CSMD1: variants seen among roughly 807,000 people sequenced by gnomAD.
CSMD1 encodes the protein CUB and Sushi multiple domains 1.
In CSMD1, 213 loss-of-function variants were observed where a neutral mutation model predicts 417.5. The ratio of observed to expected loss-of-function variants is 0.51; its 90% confidence interval spans 0.46 to 0.57. The LOEUF (loss-of-function observed/expected upper bound fraction) is 0.57. CSMD1 is among the 20% of genes least tolerant of loss of function. The pLI, the probability that CSMD1 is intolerant of heterozygous loss-of-function variation, is 0.00. For missense variants in CSMD1, 6,923 were observed against 4,529.7 expected (o/e 1.53, Z -15.17); for synonymous variants, 2,862 against 1,736.8 (o/e 1.65, Z -16.11).
At chr8:3,673,899 C>T (rs1195110945) in intron 7 of CSMD1, among the ~76,000 whole-genome samples, 1 of 152,092 alleles carries the variant, frequency 6.6e-6, no homozygotes, top group South Asian at 2.1e-4. Flanking sequence ...AGGCAGAATG[C>T]TTGAGCTCAG....
chr8:3,010,537 C>T (rs1187237775), intron 52 of CSMD1, among the ~76,000 whole-genome samples: 1 of 152,104 alleles, frequency 6.6e-6, no homozygotes, highest in Non-Finnish European at 1.5e-5. Context: ...CCTTGGGCCG[C>T]ACTCCGCATC....
intron 4 of CSMD1, among the ~76,000 whole-genome samples, chr8:4,014,600 G>A (rs994202748): frequency 1.3e-5 from 2 of 152,280 alleles, no homozygotes; most frequent in Middle Eastern, 3.4e-3. Flanking sequence ...ACTCCTGTGA[G>A]ATTAAAAGTA....
chr8:3,793,825 G>C (rs1195864197), intron 5 of CSMD1, among the ~76,000 whole-genome samples: 1 of 152,040 alleles, frequency 6.6e-6, no homozygotes, highest in Non-Finnish European at 1.5e-5. Context: ...TAAATGTCAG[G>C]ATCTGCATAC....
At chr8:3,077,530 G>A (rs1437621384) in intron 49 of CSMD1, among the ~76,000 whole-genome samples, 1 of 152,220 alleles carries the variant, frequency 6.6e-6, no homozygotes, top group Non-Finnish European at 1.5e-5. Context: ...CATCCTGGCT[G>A]GCAGGTCCAG....
At chr8:4,100,617 C>G (rs768307606) in intron 3 of CSMD1, among the ~76,000 whole-genome samples, 1 of 152,034 alleles carries the variant, frequency 6.6e-6, no homozygotes. Context: ...CAGTTTCCAC[C>G]GTGATAATGG....
intron 2 of CSMD1, among the ~76,000 whole-genome samples, chr8:4,545,164 C>G (rs563277951): frequency 1.3e-5 from 2 of 152,240 alleles, no homozygotes; most frequent in Admixed American, 1.3e-4. Context: ...TCTTAAAAAT[C>G]ATATTTGTGA....
chr8:4,902,852 T>A, intron 1 of CSMD1, among the ~76,000 whole-genome samples: 1 of 152,018 alleles, frequency 6.6e-6, no homozygotes, highest in East Asian at 1.9e-4. Flanking sequence ...TTTATTTTTA[T>A]CATTTATGTT....
chr8:4,037,234 T>C (rs1278317363), intron 3 of CSMD1, among the ~76,000 whole-genome samples: 1 of 152,230 alleles, frequency 6.6e-6, no homozygotes, highest in Non-Finnish European at 1.5e-5. Flanking sequence ...TGACAAGTAA[T>C]ATGACATAGG....
chr8:4,840,907 C>G (rs992963552), intron 1 of CSMD1, among the ~76,000 whole-genome samples: 1 of 152,150 alleles, frequency 6.6e-6, no homozygotes, highest in Non-Finnish European at 1.5e-5. Flanking sequence ...CAATCAACAC[C>G]ACTACTGTAA....
At chr8:3,741,379 T>C (rs938688531) in intron 6 of CSMD1, among the ~76,000 whole-genome samples, 4 of 152,224 alleles carry the variant, frequency 2.6e-5, no homozygotes, top group Middle Eastern at 6.8e-3. Context: ...GGGGAATGTA[T>C]CACAGGATGG....
intron 2 of CSMD1, among the ~76,000 whole-genome samples, chr8:4,530,058 G>A (rs974684034): frequency 2.0e-5 from 3 of 151,832 alleles, no homozygotes; most frequent in African/African-American, 7.3e-5. Context: ...GGGACTACAG[G>A]TGCCCGCCAC....
chr8:4,298,953 G>A (rs959005964), intron 3 of CSMD1, among the ~76,000 whole-genome samples: 6 of 151,808 alleles, frequency 4.0e-5, no homozygotes, highest in South Asian at 2.1e-4. Flanking sequence ...ACATATATAT[G>A]TCATATATAA....
chr8:4,944,395 G>A (rs184406576), intron 1 of CSMD1, among the ~76,000 whole-genome samples: 3 of 152,284 alleles, frequency 2.0e-5, no homozygotes, highest in East Asian at 1.9e-4. Flanking sequence ...ACACTATTCA[G>A]ATGGTTGTAG....
intron 6 of CSMD1, among the ~76,000 whole-genome samples, chr8:3,709,119 A>AT (rs1416214756): frequency 3.3e-5 from 5 of 150,906 alleles, no homozygotes; most frequent in Admixed American, 6.6e-5. Context: ...TTCTTGATGT[A>AT]CTACGGCCTG....
At chr8:4,747,291 C>A (rs1210514840) in intron 1 of CSMD1, among the ~76,000 whole-genome samples, 1 of 152,178 alleles carries the variant, frequency 6.6e-6, no homozygotes, top group Non-Finnish European at 1.5e-5. Flanking sequence ...ATTTTCTACT[C>A]TGAACGGAGC....
At chr8:4,473,392 C>A (rs1800638075) in intron 2 of CSMD1, among the ~76,000 whole-genome samples, 2 of 152,140 alleles carry the variant, frequency 1.3e-5, no homozygotes, top group African/African-American at 4.8e-5. Context: ...TTACCCCATT[C>A]TCATTGTAGG....
chr8:4,497,286 C>A (rs1193180745), intron 2 of CSMD1, among the ~76,000 whole-genome samples: 3 of 152,142 alleles, frequency 2.0e-5, no homozygotes, highest in Non-Finnish European at 4.4e-5. Flanking sequence ...TTCTTTGCAA[C>A]CCAAAGCAAG....
intron 2 of CSMD1, among the ~76,000 whole-genome samples, chr8:4,474,309 G>C (rs1030963719): frequency 5.9e-5 from 9 of 151,860 alleles, no homozygotes; most frequent in African/African-American, 1.9e-4. Context: ...GTTCCAAATA[G>C]AAAAAAAACA....
intron 3 of CSMD1, among the ~76,000 whole-genome samples, chr8:4,244,263 C>T (rs1366497191): frequency 6.6e-6 from 1 of 152,192 alleles, no homozygotes; most frequent in Non-Finnish European, 1.5e-5. Context: ...CACAGGGGCA[C>T]TGAGAGCAGG....
Sources: gnomAD v4.1 joint callset for allele counts (sites outside exome capture counted in the v4.1 genomes callset) on GRCh38, gnomAD v4.1.1 for gene constraint, MANE v1.5 for transcripts, NCBI Gene and HGNC (gene_info 2026-07-23, HGNC 2026-07-21) for gene names.